TBL1X: variants seen among roughly 807,000 people sequenced by gnomAD.
The protein encoded by TBL1X is F-box-like/WD repeat-containing protein TBL1X.
TBL1X carries 10 observed loss-of-function variants against 50.7 expected under a neutral mutation model. The observed-to-expected ratio is 0.20, with a 90% confidence interval of 0.12 to 0.33. The LOEUF (loss-of-function observed/expected upper bound fraction) is 0.33. Among genes scored for constraint, TBL1X ranks in the 10% least tolerant of loss-of-function variants. The pLI is 1.00. For missense variants in TBL1X, 340 were observed against 504.4 expected, an observed-to-expected ratio of 0.67 and a Z score of 3.12; for synonymous variants, 190 against 214.7, an observed-to-expected ratio of 0.88 and a Z score of 1.01.
rs1335219954 is a variant in TBL1X, at chrX:9,709,240, T to TA, written c.1237-8_1237-7insA. ...ATGTCTTTTTCACACTCTTCTGCTC[T>TA]CTTTCAGAACGAGGTCAACGCCATC... On this transcript the variant is annotated splice_polypyrimidine_tract_variant and splice_region_variant and intron_variant, in intron 13 of 17. Coordinates refer to ENST00000645353, the MANE Select transcript of TBL1X (RefSeq NM_005647.4). 3 of 1,208,518 alleles carry TA rather than the reference T, an allele frequency of 2.5e-6. No individual in the cohort carries two copies. Among genetic ancestry groups the TA allele is most frequent in the Non-Finnish European group, 2.2e-6 (2 of 894,475 alleles).
intron 2 of TBL1X, among the ~76,000 whole-genome samples, chrX:9,627,843 T>C (rs777826183): frequency 6.2e-5 from 7 of 112,499 alleles, no homozygotes; most frequent in East Asian, 2.8e-4. Flanking sequence ...TCACTTACAC[T>C]CTTCAGAAAG....
chrX:9,713,269 C>A (rs753316791), intron 16 of TBL1X, among the ~76,000 whole-genome samples: 16 of 111,140 alleles, frequency 1.4e-4, no homozygotes, highest in Non-Finnish European at 3.0e-4. Flanking sequence ...GTCTCCGTTC[C>A]TGAAATCCTC....
rs1169204903 is a variant in TBL1X, at chrX:9,465,412, C to T, written c.-236C>T. On this transcript the variant is annotated 5_prime_UTR_variant, in exon 1 of 18. Coordinates refer to ENST00000645353, the MANE Select transcript of TBL1X (RefSeq NM_005647.4). Reference sequence around the variant, plus strand: ...GGGAGGTTCGGAGCGCGGCCGGGCGCGCGGCGCCGCCACAAGTTGCGCTGC... The same window carrying T: ...GGGAGGTTCGGAGCGCGGCCGGGCGTGCGGCGCCGCCACAAGTTGCGCTGC... 3 of 110,257 alleles carry T rather than the reference C, an allele frequency of 2.7e-5. No individual in the cohort carries two copies. The highest frequency in any genetic ancestry group is 9.8e-5 in the African/African-American group (3 of 30,645). 9.1% of individuals were successfully genotyped at this position (110,257 alleles called of 1,213,427 possible).
intron 2 of TBL1X, among the ~76,000 whole-genome samples, chrX:9,602,252 T>TAAGC (rs772229787): frequency 6.4e-4 from 72 of 111,892 alleles, no homozygotes; most frequent in Non-Finnish European, 1.1e-3. Flanking sequence ...AAGTTACCAT[T>TAAGC]AAGCCTCAGG....
chrX:9,653,429 A>T lies in TBL1X; in HGVS notation c.-42-116A>T, dbSNP rs868650514. 4.1e-5 allele frequency: 19 copies of T among 462,762 alleles called. No homozygotes were observed. In the Middle Eastern group the frequency reaches 6.0e-3, roughly 146 times the overall value. The allele number at this position is 462,762 out of a possible 1,213,427, so 38.1% of individuals were successfully genotyped here. On this transcript the variant is annotated intron_variant, in intron 3 of 17. Transcript: ENST00000645353. ...TTTCCTGCCCATCCTCCCTCCCCAG[A>T]TTTCTGCCTGCCTTCTGGGCACCAG...
Position 9,691,594 on chromosome X carries a change from C to A in TBL1X, c.632C>A (p.Pro211Gln), listed in dbSNP as rs777725396. The change falls in exon 8 of 18, where the codon CCA becomes CAA. Residue 211 changes from proline (P) to glutamine (Q), a missense_variant. Around this residue, in one of 6 missense-constraint regions of TBL1X, gnomAD observed 99 missense variants for 93.3 expected, o/e 1.06. Coordinates refer to ENST00000645353, the MANE Select transcript of TBL1X (RefSeq NM_005647.4). ...GCTGTGACAGATAATCACGCGAAGC[C>A]AATGGAAATAGATGGAGAGGTTGAG... is the stretch of plus-strand genomic sequence containing the variant. ...RAHSVNNHAK[P>Q]MEIDGEVEIP... is the part of the protein sequence containing the mutation. The A allele has an allele frequency of 2.5e-6, 3 of 1,209,052 alleles. No individual in the cohort carries two copies. In the Admixed American group the frequency reaches 6.6e-5, roughly 26 times the overall value.
At chrX:9,463,737 A>G (rs1162903023), upstream of TBL1X, among the ~76,000 whole-genome samples, 1 of 111,022 alleles carries the variant, frequency 9.0e-6, no homozygotes, top group Non-Finnish European at 1.9e-5. Context: ...CTAAAAATAC[A>G]AAAAAAATTA....
chrX:9,654,152 C>G, intron 4 of TBL1X, 63 bp from the exon 5 acceptor site: 1 of 982,537 alleles, frequency 1.0e-6, no homozygotes, highest in South Asian at 2.3e-5. Flanking sequence ...CTTTAGTCAT[C>G]TCAAAAAAAA....
intron 12 of TBL1X, among the ~76,000 whole-genome samples, chrX:9,699,609 G>A (rs766569399): frequency 3.6e-5 from 4 of 111,810 alleles, no homozygotes; most frequent in Non-Finnish European, 5.7e-5. Flanking sequence ...AGCCATCGGC[G>A]CCTGGGGAGG....
At chrX:9,511,837 A>G (rs189505904) in intron 2 of TBL1X, among the ~76,000 whole-genome samples, 1 of 112,281 alleles carries the variant, frequency 8.9e-6, no homozygotes, top group African/African-American at 3.2e-5. Flanking sequence ...AAATGAGGGC[A>G]GGTTGTCTAC....
At chrX:9,705,955 A>G (rs1282063951) in intron 13 of TBL1X, among the ~76,000 whole-genome samples, 2 of 110,970 alleles carry the variant, frequency 1.8e-5, no homozygotes, top group Non-Finnish European at 3.8e-5. Flanking sequence ...GAGGCTTCCA[A>G]CCATGGCAGG....
chrX:9,525,984 G>A (rs2146969202), intron 2 of TBL1X, among the ~76,000 whole-genome samples: 1 of 111,221 alleles, frequency 9.0e-6, no homozygotes, highest in African/African-American at 3.3e-5. Context: ...GAACGTTCCT[G>A]CCTCATTTTT....
chrX:9,497,763 TCC>T (rs2081978884), intron 1 of TBL1X, among the ~76,000 whole-genome samples: 85 of 31,654 alleles, frequency 2.7e-3, no homozygotes, highest in Non-Finnish European at 3.0e-3. Context: ...CCTCCCTCCC[TCC>T]CTCCCTCCCT....
chrX:9,718,585 A>G lies in TBL1X; in HGVS notation c.*2339A>G, dbSNP rs1027371978. 4 of 111,618 alleles carry G rather than the reference A, an allele frequency of 3.6e-5. No homozygotes were observed. Among genetic ancestry groups the G allele is most frequent in the African/African-American group, 1.3e-4 (4 of 30,701 alleles). 9.2% of individuals were successfully genotyped at this position (111,618 alleles called of 1,213,427 possible). Reference sequence around the variant, plus strand: ...GACACCATCTCTACCCCACCCAAATAAAAATGCACTCATCTCTGTAGAACA... The same window carrying G: ...GACACCATCTCTACCCCACCCAAATGAAAATGCACTCATCTCTGTAGAACA... On this transcript the variant is annotated 3_prime_UTR_variant, in exon 18 of 18. Coordinates refer to ENST00000645353, the MANE Select transcript of TBL1X (RefSeq NM_005647.4).
chrX:9,613,222 C>T (rs746799907), intron 2 of TBL1X, among the ~76,000 whole-genome samples: 12 of 110,991 alleles, frequency 1.1e-4, no homozygotes, highest in African/African-American at 3.3e-4. Context: ...AAAGAGGAAT[C>T]GTGTGGCCTA....
At chrX:9,469,364 T>C (rs2081798103) in intron 1 of TBL1X, among the ~76,000 whole-genome samples, 1 of 111,259 alleles carries the variant, frequency 9.0e-6, no homozygotes, top group Admixed American at 9.5e-5. Context: ...GGTTTCACCA[T>C]GTTGGCCAGG....
intron 1 of TBL1X, among the ~76,000 whole-genome samples, chrX:9,491,338 A>ATATATATATATATATTT (rs1328551249): frequency 3.2e-5 from 1 of 31,316 alleles, no homozygotes; most frequent in African/African-American, 1.2e-4. Flanking sequence ...ATATATATAT[A>ATATATATATATATATTT]TTTTTTTTTT....
chrX:9,599,005 G>A (rs897813780), intron 2 of TBL1X, among the ~76,000 whole-genome samples: 9 of 107,875 alleles, frequency 8.3e-5, no homozygotes, highest in East Asian at 2.9e-4. Flanking sequence ...GTGCAGTGGC[G>A]CGATCCCGGC....
intron 1 of TBL1X, among the ~76,000 whole-genome samples, chrX:9,498,638 G>A (rs952157390): frequency 2.8e-4 from 32 of 112,537 alleles, no homozygotes; most frequent in South Asian, 3.6e-4. Context: ...CCTTCTTCGC[G>A]AGTATCTGAC....
Sources: allele counts gnomAD v4.1 joint callset (sites outside exome capture counted in the v4.1 genomes callset), GRCh38; gene constraint gnomAD v4.1.1; regional missense constraint gnomAD v4.1.1; transcripts MANE v1.5; gene names NCBI Gene and HGNC (gene_info 2026-07-23, HGNC 2026-07-21).